Variants in TESC observed in about 807,000 individuals in gnomAD.
TESC encodes tescalcin.
Under a neutral mutation model 31.0 loss-of-function variants are expected in TESC, and 19 were observed. That is an observed-to-expected ratio of 0.61 (90% CI 0.43 to 0.90). TESC has a LOEUF of 0.90. TESC is among the 40% of genes least tolerant of loss of function. TESC has a pLI of 0.00. For synonymous variants in TESC, 109 were observed against 114.8 expected (o/e 0.95, Z 0.32); for missense variants, 248 against 303.8 (o/e 0.82, Z 1.36).
chr12:117,095,284 A>C (rs1593030731), intron 1 of TESC, among the ~76,000 whole-genome samples: 2 of 152,194 alleles, frequency 1.3e-5, no homozygotes, highest in African/African-American at 4.8e-5. Context: ...TATCTTGGCC[A>C]GGCTGGTCTT....
rs183606611 is a variant in TESC at position 117,046,680 on chromosome 12, C to T, written c.412-14G>A. 9.7e-6 allele frequency: 15 copies of T among 1,551,902 alleles called. No individual in the cohort carries two copies. Among genetic ancestry groups the T allele is most frequent in the African/African-American group, 2.7e-5 (2 of 73,064 alleles). ...CTCCTCGACCACCTGCCAGGTGGGG[C>T]GGAAACAAACGGTGACCTTGGGCCT... On this transcript the variant is annotated splice_polypyrimidine_tract_variant and intron_variant, in intron 5 of 7. Coordinates refer to ENST00000335209, the MANE Select transcript of TESC (RefSeq NM_017899.4).
intron 4 of TESC, 65 bp from the exon 5 acceptor site, chr12:117,046,903 T>C (rs188302611): frequency 1.3e-6 from 2 of 1,504,290 alleles, no homozygotes; most frequent in Admixed American, 2.0e-5. Flanking sequence ...CCCCCTGAAA[T>C]GTACACTAAA....
intron 3 of TESC, among the ~76,000 whole-genome samples, chr12:117,053,008 C>T (rs763519339): frequency 2.6e-5 from 4 of 152,180 alleles, no homozygotes; most frequent in Non-Finnish European, 5.9e-5. Flanking sequence ...TCTCAGCCAC[C>T]CACACCAGCC....
chr12:117,075,901 A>ATATATGTGTGTG, intron 1 of TESC, among the ~76,000 whole-genome samples: 1 of 86,098 alleles, frequency 1.2e-5, no homozygotes, highest in African/African-American at 7.5e-5. Context: ...ATATATATAT[A>ATATATGTGTGTG]TATATATATA....
In TESC at chr12:117,043,630, T is replaced by A. The variant is rs772342607; in HGVS notation, c.520-1636A>T. Among the ~76,000 whole-genome samples, 34 of 152,290 alleles carry A rather than the reference T, an allele frequency of 2.2e-4. 1 individual carries two copies. The highest frequency in any genetic ancestry group is 3.9e-4 in the East Asian group (2 of 5,182). ...GGCATGTACCACCATGCGTGGCTAA[T>A]TTTTTAAATTTTTTAGCAGAGACAG... On this transcript the variant is annotated intron_variant, in intron 6 of 7. Coordinates refer to ENST00000335209, the MANE Select transcript of TESC (RefSeq NM_017899.4).
At chr12:117,082,375 G>A (rs1305453545) in intron 1 of TESC, among the ~76,000 whole-genome samples, 3 of 151,840 alleles carry the variant, frequency 2.0e-5, no homozygotes, top group African/African-American at 7.2e-5. Flanking sequence ...ATGGTGGCAG[G>A]TGCCTGTAAT....
intron 1 of TESC, chr12:117,084,036 G>C (rs1955183580): frequency 6.7e-6 from 1 of 150,160 alleles, no homozygotes; most frequent in African/African-American, 2.5e-5. Context: ...GGAGGTTGCA[G>C]TGAGCTGAGA....
intron 6 of TESC, 67 bp from the exon 7 acceptor site, chr12:117,042,061 G>T (rs181131029): frequency 2.7e-6 from 4 of 1,500,764 alleles, no homozygotes; most frequent in African/African-American, 2.8e-5. Flanking sequence ...GCAGGGGGAC[G>T]GTCCACTGGC....
At chr12:117,050,472 C>T (rs930344913) in intron 3 of TESC, among the ~76,000 whole-genome samples, 7 of 152,176 alleles carry the variant, frequency 4.6e-5, no homozygotes, top group Non-Finnish European at 1.0e-4. Flanking sequence ...TAAGTTAGGG[C>T]AGGTTTGAGA....
At chr12:117,076,640 C>T (rs527814266) in intron 1 of TESC, among the ~76,000 whole-genome samples, 2 of 152,288 alleles carry the variant, frequency 1.3e-5, no homozygotes, top group East Asian at 1.9e-4. Flanking sequence ...GACGGGGTTT[C>T]GCCACGCTGG....
At chr12:117,065,591 T>C (rs1234771110) in intron 2 of TESC, among the ~76,000 whole-genome samples, 1 of 152,082 alleles carries the variant, frequency 6.6e-6, no homozygotes, top group African/African-American at 2.4e-5. Flanking sequence ...TGGGAGGACA[T>C]ACAGATGTAG....
chr12:117,093,129 G>A (rs1015286580), intron 1 of TESC, among the ~76,000 whole-genome samples: 4 of 152,120 alleles, frequency 2.6e-5, no homozygotes, highest in East Asian at 1.9e-4. Context: ...CCTTCCTCCC[G>A]CTATGCTACA....
At chr12:117,075,480 C>T (rs113400733) in intron 1 of TESC, 140 bp from the exon 2 acceptor site, 18 of 839,024 alleles carry the variant, frequency 2.1e-5, no homozygotes, top group African/African-American at 1.9e-4. Context: ...ATGGCAAAAG[C>T]GAGTGCCGGG....
At chr12:117,065,440 G>A (rs553581255) in intron 2 of TESC, among the ~76,000 whole-genome samples, 98 of 152,310 alleles carry the variant, frequency 6.4e-4, no homozygotes, top group African/African-American at 2.0e-3. Flanking sequence ...TGAGGCTGCC[G>A]TTCACCACAG....
At chr12:117,064,253 G>T (rs1330105851) in intron 2 of TESC, among the ~76,000 whole-genome samples, 1 of 152,192 alleles carries the variant, frequency 6.6e-6, no homozygotes. Flanking sequence ...CGTGAGAACT[G>T]CTGGCCTCTT....
At chr12:117,074,291 C>T (rs1001756806) in intron 2 of TESC, among the ~76,000 whole-genome samples, 24 of 151,552 alleles carry the variant, frequency 1.6e-4, no homozygotes, top group African/African-American at 3.4e-4. Flanking sequence ...TCGCTTGGGC[C>T]CAAGAGGTTG....
intron 6 of TESC, among the ~76,000 whole-genome samples, chr12:117,042,866 C>T (rs548926877): frequency 4.6e-5 from 7 of 152,306 alleles, no homozygotes; most frequent in African/African-American, 1.4e-4. Context: ...ACCATTTATG[C>T]CTAGTGTTCC....
intron 7 of TESC, among the ~76,000 whole-genome samples, chr12:117,040,159 C>A (rs1041469188): frequency 1.3e-5 from 2 of 152,246 alleles, no homozygotes; most frequent in African/African-American, 2.4e-5. Flanking sequence ...TGGGACATTT[C>A]CGGCCGCAGC....
chr12:117,042,003 G>A lies in TESC; in HGVS notation c.520-9C>T, dbSNP rs749666954. 1.1e-5 allele frequency: 17 copies of A among 1,590,584 alleles called. No homozygotes were observed. The highest frequency in any genetic ancestry group is 1.3e-5 in the African/African-American group (1 of 74,450). The stretch of plus-strand genomic sequence containing the variant: ...TACACCTGATCAGGCTCCTGGGGAC[G>A]GAAGCACAGGGTGGACAGTGAGTGG... On this transcript the variant is annotated splice_polypyrimidine_tract_variant and intron_variant, in intron 6 of 7. Transcript: ENST00000335209.
Sources: gnomAD v4.1 joint callset for allele counts (sites outside exome capture counted in the v4.1 genomes callset) on GRCh38, gnomAD v4.1.1 for gene constraint, MANE v1.5 for transcripts, NCBI Gene and HGNC (gene_info 2026-07-23, HGNC 2026-07-21) for gene names.